The following PPP1R14C variants were observed in gnomAD, a reference collection of about 807,000 sequenced individuals.
PPP1R14C encodes the protein protein phosphatase 1 regulatory subunit 14C.
A neutral mutation model predicts 20.4 loss-of-function variants in PPP1R14C; 16 were observed. That is an observed-to-expected ratio of 0.78 (90% CI 0.53 to 1.19). The LOEUF is 1.19. Among genes scored for constraint, PPP1R14C ranks in the 50% most tolerant of loss-of-function variants. The pLI, the probability that PPP1R14C is intolerant of heterozygous loss-of-function variation, is 0.00. For synonymous variants in PPP1R14C, 91 were observed against 91.0 expected (o/e 1.00, Z 0.00); for missense variants, 211 against 220.1 (o/e 0.96, Z 0.26).
intron 1 of PPP1R14C, among the ~76,000 whole-genome samples, chr6:150,151,956 T>C (rs1345632288): frequency 6.6e-6 from 1 of 151,660 alleles, no homozygotes; most frequent in Non-Finnish European, 1.5e-5. Flanking sequence ...CCGTCTCTAC[T>C]AAAAATACAA....
At chr6:150,180,223 G>T (rs1293896124) in intron 1 of PPP1R14C, among the ~76,000 whole-genome samples, 2 of 152,154 alleles carry the variant, frequency 1.3e-5, no homozygotes, top group Admixed American at 1.3e-4. Flanking sequence ...AAACAAGAAA[G>T]AATTAACTGA....
intron 1 of PPP1R14C, among the ~76,000 whole-genome samples, chr6:150,159,017 G>C (rs1014143862): frequency 4.6e-5 from 7 of 152,084 alleles, no homozygotes; most frequent in Non-Finnish European, 8.8e-5. Flanking sequence ...TCATTTTTGG[G>C]GGGGCAGGAA....
At chr6:150,166,731 C>T (rs1777426406) in intron 1 of PPP1R14C, among the ~76,000 whole-genome samples, 1 of 152,220 alleles carries the variant, frequency 6.6e-6, no homozygotes, top group Non-Finnish European at 1.5e-5. Context: ...AAGCAGATTG[C>T]TAAGGGAACA....
At chr6:150,177,068 G>T (rs541092817) in intron 1 of PPP1R14C, among the ~76,000 whole-genome samples, 3 of 152,298 alleles carry the variant, frequency 2.0e-5, no homozygotes, top group Middle Eastern at 6.8e-3. Flanking sequence ...GCTCAGCCTG[G>T]CCCTGGTTCC....
intron 1 of PPP1R14C, among the ~76,000 whole-genome samples, chr6:150,175,411 C>A (rs1204367538): frequency 6.6e-6 from 1 of 152,152 alleles, no homozygotes; most frequent in Non-Finnish European, 1.5e-5. Flanking sequence ...TCACAGTGGT[C>A]ATTTACTAAG....
intron 3 of PPP1R14C, among the ~76,000 whole-genome samples, chr6:150,237,267 G>C (rs1198404717): frequency 1.3e-5 from 2 of 152,082 alleles, no homozygotes; most frequent in African/African-American, 4.8e-5. Context: ...GCAATGGTGT[G>C]ATCTCAGCTC....
At position 150,143,752 on chromosome 6, in the gene PPP1R14C, G is replaced by A. The variant is rs911784886; in HGVS notation, c.306+254G>A. 4.6e-5 allele frequency among the ~76,000 whole-genome samples: 7 copies of A among 152,064 alleles called. No homozygotes were observed. Among genetic ancestry groups the A allele is most frequent in the African/African-American group, 1.7e-4 (7 of 41,416 alleles). On this transcript the variant is annotated intron_variant, in intron 1 of 3. Transcript: ENST00000361131. The surrounding 1 kb of genome is among the most constrained non-coding windows in gnomAD (Gnocchi z 5.6). ...GGCCCCCTTGGTGGCCGTGGGGAGG[G>A]TTGGGTCCCGCGGAGCACAGTGCTT...
chr6:150,217,124 G>A (rs565052607), intron 3 of PPP1R14C, among the ~76,000 whole-genome samples: 1 of 152,006 alleles, frequency 6.6e-6, no homozygotes, highest in African/African-American at 2.4e-5. Context: ...TTGTGAAAGG[G>A]TTTGGAATCA....
Position 150,231,870 on chromosome 6 carries a change from G to A in PPP1R14C, c.423+15014G>A, listed in dbSNP as rs1251072320. 2.0e-5 allele frequency among the ~76,000 whole-genome samples: 3 copies of A among 152,086 alleles called. No individual in the cohort carries two copies. The South Asian group carries it at 6.2e-4, about 32-fold the overall frequency. On this transcript the variant is annotated intron_variant, in intron 3 of 3. Coordinates refer to ENST00000361131, the MANE Select transcript of PPP1R14C (RefSeq NM_030949.3). ...TTTCTTTCTGTTCATACACTGTAAT[G>A]TATTTATCCATTCTTCTGTTGATAC...
chr6:150,234,638 C>T (rs117181992), intron 3 of PPP1R14C, among the ~76,000 whole-genome samples: 448 of 152,016 alleles, frequency 2.9e-3, no homozygotes, highest in South Asian at 6.5e-3. Context: ...CACTTTAGGT[C>T]GGGAGTTTGA....
intron 1 of PPP1R14C, among the ~76,000 whole-genome samples, chr6:150,212,974 T>C (rs963198301): frequency 2.0e-5 from 3 of 152,198 alleles, no homozygotes; most frequent in Non-Finnish European, 2.9e-5. Flanking sequence ...TCAGCTTTAT[T>C]ATCATCAAAG....
At chr6:150,160,722 T>G (rs1168082048) in intron 1 of PPP1R14C, among the ~76,000 whole-genome samples, 1 of 152,158 alleles carries the variant, frequency 6.6e-6, no homozygotes, top group Non-Finnish European at 1.5e-5. Context: ...CACGTATATT[T>G]ATTGTTTGTC....
Position 150,200,641 on chromosome 6 carries a change from G to A in PPP1R14C, c.307-14103G>A, listed in dbSNP as rs529927849. Among the ~76,000 whole-genome samples, 14 of 152,314 alleles carry A rather than the reference G, an allele frequency of 9.2e-5. No homozygotes were observed. The South Asian group carries it at 2.9e-3, about 32-fold the overall frequency. On this transcript the variant is annotated intron_variant, in intron 1 of 3. Transcript: ENST00000361131. Reference sequence around the variant, plus strand: ...TGGCCTCCTCTGTAACAGGTCTGCAGAAGAGCAAGATTAGAAGCAGCCATA... The same window carrying A: ...TGGCCTCCTCTGTAACAGGTCTGCAAAAGAGCAAGATTAGAAGCAGCCATA...
intron 1 of PPP1R14C, among the ~76,000 whole-genome samples, chr6:150,204,632 G>A (rs547216379): frequency 6.6e-6 from 1 of 152,336 alleles, no homozygotes; most frequent in South Asian, 2.1e-4. Context: ...CCAGCCCCGA[G>A]AATTAGCTAG....
intron 1 of PPP1R14C, among the ~76,000 whole-genome samples, chr6:150,202,585 C>T (rs954554308): frequency 5.9e-5 from 9 of 152,228 alleles, no homozygotes; most frequent in Admixed American, 2.0e-4. Context: ...GCTCCTTTGC[C>T]GCCGGGACAG....
intron 3 of PPP1R14C, among the ~76,000 whole-genome samples, chr6:150,231,351 C>G (rs1778293615): frequency 6.6e-6 from 1 of 152,166 alleles, no homozygotes; most frequent in African/African-American, 2.4e-5. Context: ...AAAGGAACAT[C>G]CAAGGCCCAC....
rs1777580352 is a variant in PPP1R14C at position 150,177,875 on chromosome 6, C to T, written c.306+34377C>T. 1.3e-5 allele frequency among the ~76,000 whole-genome samples: 2 copies of T among 152,192 alleles called. 1 individual carries two copies. Among genetic ancestry groups the T allele is most frequent in the South Asian group, 4.1e-4 (2 of 4,824 alleles). Reference sequence around the variant, plus strand: ...GCCGGGACAGACTCATCTCCTGAGGCCCCGTCGTCAGGCAAGAAAGATGGG... The same window carrying T: ...GCCGGGACAGACTCATCTCCTGAGGTCCCGTCGTCAGGCAAGAAAGATGGG... On this transcript the variant is annotated intron_variant, in intron 1 of 3. Coordinates refer to ENST00000361131, the MANE Select transcript of PPP1R14C (RefSeq NM_030949.3).
At chr6:150,239,461 G>A (rs1474042961) in intron 3 of PPP1R14C, among the ~76,000 whole-genome samples, 1 of 152,152 alleles carries the variant, frequency 6.6e-6, no homozygotes, top group African/African-American at 2.4e-5. Flanking sequence ...GAAACTAAAT[G>A]ACACATTTCT....
chr6:150,151,776 A>G (rs575744171), intron 1 of PPP1R14C, among the ~76,000 whole-genome samples: 26 of 152,208 alleles, frequency 1.7e-4, no homozygotes, highest in Non-Finnish European at 3.7e-4. Flanking sequence ...CACTGATTCC[A>G]AAGTCACTTA....
Sources: allele counts gnomAD v4.1 joint callset (sites outside exome capture counted in the v4.1 genomes callset), GRCh38; gene constraint gnomAD v4.1.1; non-coding constraint Gnocchi (gnomAD v3.1); transcripts MANE v1.5; gene names NCBI Gene and HGNC (gene_info 2026-07-23, HGNC 2026-07-21).